Variants in RRP7A observed in about 807,000 individuals in gnomAD.
RRP7A encodes ribosomal RNA-processing protein 7 homolog A.
RRP7A carries 27 observed loss-of-function variants against 38.4 expected under a neutral mutation model. The observed-to-expected ratio is 0.70, with a 90% CI of 0.52 to 0.97. The LOEUF (loss-of-function observed/expected upper bound fraction) is 0.97, where lower values mean the gene tolerates loss of function less well. Among genes scored for constraint, RRP7A ranks in the 50% least tolerant of loss-of-function variants. RRP7A has a pLI of 0.00. For missense variants in RRP7A, 327 were observed against 375.4 expected (o/e 0.87, Z 1.07); for synonymous variants, 124 against 150.3 (o/e 0.83, Z 1.28).
chr22:42,518,026 A>G lies in RRP7A; in HGVS notation c.195T>C (p.Asn65=), dbSNP rs1476984174. The change falls in exon 2 of 7, where the codon AAT becomes AAC. Residue 65 remains asparagine, a synonymous_variant. Coordinates refer to ENST00000323013, the MANE Select transcript of RRP7A (RefSeq NM_015703.5). ...TCACCTCTGTGCAGTATGGGGGCAC[A>G]TTGAGGACAAAAAGAGTCCTCTTCT... ...WPQKRTLFVL[N]VPPYCTEESL... The G allele has an allele frequency of 1.2e-6, 2 of 1,613,472 alleles. No individual in the cohort carries two copies. The highest frequency in any genetic ancestry group is 1.7e-6 in the Non-Finnish European group (2 of 1,179,660).
rs1206620797 is a variant in RRP7A at position 42,513,770 on chromosome 22, T to C, written c.757+336A>G. 2.6e-5 allele frequency among the ~76,000 whole-genome samples: 4 copies of C among 151,812 alleles called. No homozygotes were observed. In the East Asian group the frequency reaches 7.8e-4, roughly 29 times the overall value. ...GCACCTTCTCTGCACCCACAGTGGG[T>C]TCAGAAGCCCCCTCTGCACTTGAAC... On this transcript the variant is annotated intron_variant, in intron 6 of 6. Coordinates refer to ENST00000323013, the MANE Select transcript of RRP7A (RefSeq NM_015703.5).
intron 6 of RRP7A, 84 bp downstream of exon 6, chr22:42,514,022 C>T (rs1449101325): frequency 5.7e-6 from 7 of 1,221,276 alleles, no homozygotes; most frequent in East Asian, 5.0e-5. Flanking sequence ...GTCCAGCGCC[C>T]GCCCTCAGGA....
In RRP7A at chr22:42,515,328, C is replaced by T. The variant is rs1601806968; in HGVS notation, c.343-60G>A. ...CTTCCCACGTCTGGCACAAGGTCTCCAGGCCTGCCCTCAGCCTAGGTGGTA... is the reference window on the plus strand; with the variant it reads ...CTTCCCACGTCTGGCACAAGGTCTCTAGGCCTGCCCTCAGCCTAGGTGGTA... On this transcript the variant is annotated intron_variant, in intron 3 of 6. Transcript: ENST00000323013. 2.2e-5 allele frequency: 16 copies of T among 731,440 alleles called. No individual in the cohort carries two copies. The East Asian group carries it at 4.4e-4, about 20-fold the overall frequency. 45.3% of individuals were successfully genotyped at this position (731,440 alleles called of 1,614,324 possible).
chr22:42,509,096 T>C lies in RRP7A; in HGVS notation c.*3814A>G. The C allele has an allele frequency of 1.9e-6, 3 of 1,614,006 alleles. No individual in the cohort carries two copies. Among genetic ancestry groups the C allele is most frequent in the East Asian group, 2.2e-5 (1 of 44,874 alleles). On this transcript the variant is annotated 3_prime_UTR_variant, in exon 7 of 7. Coordinates refer to ENST00000323013, the MANE Select transcript of RRP7A (RefSeq NM_015703.5). ...ATTCCATCAGGAAGCTGCAGGCCCATGTCCTGTTGATCAAGTGAGTCTGGA... is the reference window on the plus strand; with the variant it reads ...ATTCCATCAGGAAGCTGCAGGCCCACGTCCTGTTGATCAAGTGAGTCTGGA...
chr22:42,513,068 C>A, intron 6 of RRP7A, 73 bp from the exon 7 acceptor site: 1 of 1,261,540 alleles, frequency 7.9e-7, no homozygotes, highest in Non-Finnish European at 1.1e-6. Context: ...CATGCCCCAC[C>A]CCTCCTCCCA....
rs72619524 is a variant in RRP7A, at chr22:42,508,933, C to T, written c.*3977G>A. 0.082 allele frequency: 128,781 copies of T among 1,573,364 alleles called. 17,162 individuals carry two copies. The highest frequency in any genetic ancestry group is 0.72 in the East Asian group (31,498 of 43,522). On this transcript the variant is annotated 3_prime_UTR_variant, in exon 7 of 7. Coordinates refer to ENST00000323013, the MANE Select transcript of RRP7A (RefSeq NM_015703.5). ...CCAGGGTGGGTGGCTAAGGTGCCCT[C>T]GCCAGGGCTTAGCCACCCCAACAGA...
chr22:42,516,639 G>C (rs1430066546), intron 2 of RRP7A, among the ~76,000 whole-genome samples: 1 of 152,246 alleles, frequency 6.6e-6, no homozygotes, highest in Non-Finnish European at 1.5e-5. Context: ...CTGGAGACAG[G>C]TGGGGACATT....
intron 3 of RRP7A, 113 bp downstream of exon 3, chr22:42,515,898 G>C: frequency 7.5e-7 from 1 of 1,335,326 alleles, no homozygotes; most frequent in Non-Finnish European, 1.0e-6. Flanking sequence ...ACACGGTGAG[G>C]ATGGGCTCAG....
intron 6 of RRP7A, among the ~76,000 whole-genome samples, chr22:42,513,269 GC>G (rs1920922647): frequency 7.4e-6 from 1 of 135,910 alleles, no homozygotes; most frequent in Non-Finnish European, 1.6e-5. Flanking sequence ...AAAGGTACCC[GC>G]CCCCACCCCC....
rs1482789009 is a variant in RRP7A at position 42,510,040 on chromosome 22, C to CT, written c.*2869dup. 1.3e-5 allele frequency: 2 copies of CT among 149,768 alleles called. No homozygotes were observed. Among genetic ancestry groups the CT allele is most frequent in the Non-Finnish European group, 2.9e-5 (2 of 67,854 alleles). The allele number at this position is 149,768 out of a possible 1,614,324, so 9.3% of individuals were successfully genotyped here. A position where few individuals can be genotyped will look rare whatever the true frequency, so the allele number is the denominator to read the frequency against. On this transcript the variant is annotated 3_prime_UTR_variant, in exon 7 of 7. Coordinates refer to ENST00000323013, the MANE Select transcript of RRP7A (RefSeq NM_015703.5). ...AGTGTAGTGGTGCAATCTCAGCTCA[C>CT]TGCAAGGTCCGCCTCCCGGGTTCAC...
chr22:42,516,382 G>A (rs1944209676), intron 2 of RRP7A: 1 of 545,576 alleles, frequency 1.8e-6, no homozygotes, highest in African/African-American at 1.9e-5. Flanking sequence ...CCAGGCTGGA[G>A]TCCTGCAACC....
At chr22:42,517,357 A>AG (rs1920933214) in intron 2 of RRP7A, among the ~76,000 whole-genome samples, 1 of 151,036 alleles carries the variant, frequency 6.6e-6, no homozygotes, top group Non-Finnish European at 1.5e-5. Flanking sequence ...AAAAAAAAAA[A>AG]AAAAAAAAAT....
At position 42,510,805 on chromosome 22, in the gene RRP7A, G is replaced by A. The variant is rs1392302370; in HGVS notation, c.*2105C>T. 137 of 1,320,450 alleles carry A rather than the reference G, an allele frequency of 1.0e-4. No homozygotes were observed. Among genetic ancestry groups the A allele is most frequent in the Non-Finnish European group, 1.1e-4 (109 of 1,020,492 alleles). The allele number at this position is 1,320,450 out of a possible 1,614,324, so 81.8% of individuals were successfully genotyped here. ...CCTCACCCATCTCTTCTCATGCACT[G>A]GGAAAGACCCCTGGTCTGCCCCCAG... On this transcript the variant is annotated 3_prime_UTR_variant, in exon 7 of 7. Transcript: ENST00000323013.
intron 6 of RRP7A, 78 bp from the exon 7 acceptor site, chr22:42,513,073 C>T: frequency 2.5e-6 from 3 of 1,185,398 alleles, no homozygotes; most frequent in Non-Finnish European, 2.5e-6. Context: ...CCCACCCCTC[C>T]TCCCAGTTAC....
At chr22:42,513,766 T>C (rs1429302428) in intron 6 of RRP7A, among the ~76,000 whole-genome samples, 2 of 151,926 alleles carry the variant, frequency 1.3e-5, no homozygotes, top group Non-Finnish European at 2.9e-5. Context: ...GCACCCACAG[T>C]GGGTTCAGAA....
At chr22:42,517,342 TA>T (rs71184902) in intron 2 of RRP7A, among the ~76,000 whole-genome samples, 18,740 of 117,208 alleles carry the variant, frequency 0.16, 1,489 homozygotes, top group African/African-American at 0.22. Flanking sequence ...TTAGTTTTTG[TA>T]AAAAAAAAAA....
rs1463348118 is a variant in RRP7A, at chr22:42,514,113, C to T, written c.750G>A (p.Lys250=). 3.7e-6 allele frequency: 6 copies of T among 1,612,612 alleles called. No individual in the cohort carries two copies. In the South Asian group the frequency reaches 6.6e-5, roughly 18 times the overall value. The part of the protein sequence containing the change: ...NFYAWQHRES[K]MEHLAQLRKK... ...GGACTGGGGGTGGCTTACGCTCCAT[C>T]TTGCTCTCTCGATGCTGCCAGGCGT... Residue 250 remains lysine, a synonymous_variant, in exon 6 of 7, where the codon AAG becomes AAA. Coordinates refer to ENST00000323013, the MANE Select transcript of RRP7A (RefSeq NM_015703.5).
Position 42,512,703 on chromosome 22 carries a change from G to C in RRP7A, c.*207C>G. Reference sequence around the variant, plus strand: ...ACAAGTCCTCCTCTCGGCACGCCTGGGTCCCCAGGACTGCTGAAGCACAAG... The same window carrying C: ...ACAAGTCCTCCTCTCGGCACGCCTGCGTCCCCAGGACTGCTGAAGCACAAG... On this transcript the variant is annotated 3_prime_UTR_variant, in exon 7 of 7. Transcript: ENST00000323013. The C allele has an allele frequency of 1.6e-6, 1 of 621,254 alleles. No homozygotes were observed. Among genetic ancestry groups the C allele is most frequent in the Non-Finnish European group, 2.9e-6 (1 of 348,966 alleles). The allele number at this position is 621,254 out of a possible 1,614,324, so 38.5% of individuals were successfully genotyped here.
chr22:42,510,725 G>A lies in RRP7A; in HGVS notation c.*2185C>T. ...CACAATGAAATCCACCCTCAAAGAG[G>A]TAAGGCGGGGCTCAGGCAGCTGGTG... On this transcript the variant is annotated 3_prime_UTR_variant, in exon 7 of 7. Coordinates refer to ENST00000323013, the MANE Select transcript of RRP7A (RefSeq NM_015703.5). The A allele has an allele frequency of 6.6e-7, 1 of 1,520,206 alleles. No individual in the cohort carries two copies. Among genetic ancestry groups the A allele is most frequent in the South Asian group, 1.2e-5 (1 of 82,364 alleles). The allele number at this position is 1,520,206 out of a possible 1,614,324, so 94.2% of individuals were successfully genotyped here.
Sources: allele counts gnomAD v4.1 joint callset (sites outside exome capture counted in the v4.1 genomes callset), GRCh38; gene constraint gnomAD v4.1.1; transcripts MANE v1.5; gene names NCBI Gene and HGNC (gene_info 2026-07-23, HGNC 2026-07-21).